MDM2: variants seen among roughly 807,000 people sequenced by gnomAD.
MDM2 encodes the protein MDM2 proto-oncogene, also known as E3 ubiquitin-protein ligase Mdm2.
A neutral mutation model predicts 64.3 loss-of-function variants in MDM2; 11 were observed. The observed-to-expected ratio is 0.17, with a 90% CI of 0.11 to 0.28. MDM2 has a LOEUF of 0.28. MDM2 is among the 10% of genes least tolerant of loss of function. MDM2 has a pLI of 1.00. For missense variants in MDM2, 388 were observed against 577.1 expected, an observed-to-expected ratio of 0.67 and a Z score of 3.36; for synonymous variants, 194 against 192.9, an observed-to-expected ratio of 1.01 and a Z score of -0.05.
At position 68,843,795 on chromosome 12, in the gene MDM2, C is replaced by G. The variant is rs1884021893; in HGVS notation, c.*3946C>G. The G allele has an allele frequency of 4.5e-6, 1 of 220,990 alleles. No individual in the cohort carries two copies. Among genetic ancestry groups the G allele is most frequent in the South Asian group, 1.8e-4 (1 of 5,430 alleles). 13.7% of individuals were successfully genotyped at this position (220,990 alleles called of 1,614,324 possible). A position where few individuals can be genotyped will look rare whatever the true frequency, so the allele number is the denominator to read the frequency against. Reference sequence around the variant, plus strand: ...CAAGCATTATTTGGAGTTGATAATACTTCAGCTACAACCAAGCAGAATCTC... The same window carrying G: ...CAAGCATTATTTGGAGTTGATAATAGTTCAGCTACAACCAAGCAGAATCTC... On this transcript the variant is annotated 3_prime_UTR_variant, in exon 11 of 11. Coordinates refer to ENST00000258149, the MANE Select transcript of MDM2 (RefSeq NM_002392.6).
intron 8 of MDM2, among the ~76,000 whole-genome samples, chr12:68,830,228 G>GTA (rs1415648723): frequency 1.3e-5 from 2 of 152,158 alleles, no homozygotes; most frequent in Non-Finnish European, 2.9e-5. Flanking sequence ...AGTAATCATT[G>GTA]TATAGTACTC....
intron 8 of MDM2, among the ~76,000 whole-genome samples, chr12:68,835,451 A>C (rs1412165724): frequency 1.3e-5 from 2 of 152,242 alleles, no homozygotes; most frequent in Non-Finnish European, 2.9e-5. Flanking sequence ...TGTCTAGTTG[A>C]AGACAGACGA....
intron 10 of MDM2, among the ~76,000 whole-genome samples, chr12:68,839,003 A>G (rs1330305005): frequency 6.6e-6 from 1 of 152,180 alleles, no homozygotes; most frequent in East Asian, 1.9e-4. Flanking sequence ...CAAGCAAATT[A>G]ATGTAATCCA....
At position 68,835,590 on chromosome 12, in the gene MDM2, G is replaced by A. The variant is rs553753538; in HGVS notation, c.685-239G>A. Among the ~76,000 whole-genome samples the A allele has an allele frequency of 1.2e-4, 18 of 152,322 alleles. No individual in the cohort carries two copies. The South Asian group carries it at 2.3e-3, about 19-fold the overall frequency. On this transcript the variant is annotated intron_variant, in intron 8 of 10. Coordinates refer to ENST00000258149, the MANE Select transcript of MDM2 (RefSeq NM_002392.6). Reference sequence around the variant, plus strand: ...ACCTTGAAACCTTAATCTAGTTTCAGTATGCAGGATGGATCTGAGGAGGAA... The same window carrying A: ...ACCTTGAAACCTTAATCTAGTTTCAATATGCAGGATGGATCTGAGGAGGAA...
At chr12:68,847,196 TTATATA>T (rs59862219), downstream of MDM2, 20 of 92,080 alleles carry the variant, frequency 2.2e-4, 1 homozygote, top group Admixed American at 1.5e-3. Context: ...TGTGTGTACA[TTATATA>T]TATATATATA....
chr12:68,850,404 CTGTT>C (rs1335203143), downstream of MDM2: 1 of 152,064 alleles, frequency 6.6e-6, no homozygotes, highest in Non-Finnish European at 1.5e-5. Context: ...AAACTATTTC[CTGTT>C]TATTTTCTAA....
chr12:68,839,974 T>C lies in MDM2; in HGVS notation c.*125T>C, dbSNP rs566796799. On this transcript the variant is annotated 3_prime_UTR_variant, in exon 11 of 11. Coordinates refer to ENST00000258149, the MANE Select transcript of MDM2 (RefSeq NM_002392.6). ...TCAATTCACATAGATTTCTTCTCTTTAGTATAATTGACCTACTTTGGTAGT... is the reference window on the plus strand; with the variant it reads ...TCAATTCACATAGATTTCTTCTCTTCAGTATAATTGACCTACTTTGGTAGT... The C allele has an allele frequency of 1.2e-4, 103 of 874,430 alleles. No individual in the cohort carries two copies. Among genetic ancestry groups the C allele is most frequent in the Admixed American group, 8.9e-5 (3 of 33,614 alleles). 54.2% of individuals were successfully genotyped at this position (874,430 alleles called of 1,614,324 possible). A position where few individuals can be genotyped will look rare whatever the true frequency, so the allele number is the denominator to read the frequency against.
At chr12:68,836,233 T>C (rs1403502998) in intron 9 of MDM2, among the ~76,000 whole-genome samples, 1 of 152,158 alleles carries the variant, frequency 6.6e-6, no homozygotes, top group African/African-American at 2.4e-5. Context: ...ATTATAATGG[T>C]CTGTTCACTT....
At chr12:68,826,235 A>G (rs1443479363) in intron 7 of MDM2, among the ~76,000 whole-genome samples, 1 of 152,140 alleles carries the variant, frequency 6.6e-6, no homozygotes, top group Non-Finnish European at 1.5e-5. Context: ...ATTAGTAAAA[A>G]TAAAATTTTT....
Position 68,828,807 on chromosome 12 carries a change from G to A in MDM2, c.560G>A (p.Arg187Lys), listed in dbSNP as rs776774609. 6.2e-7 allele frequency: 1 copy of A among 1,613,936 alleles called. No homozygotes were observed. The highest frequency in any genetic ancestry group is 8.5e-7 in the Non-Finnish European group (1 of 1,179,956). Reference sequence around the variant, plus strand: ...GATGAATTATCTGGTGAACGACAAAGAAAACGCCACAAATCTGATAGTATT... The same window carrying A: ...GATGAATTATCTGGTGAACGACAAAAAAAACGCCACAAATCTGATAGTATT... ...NSDELSGERQRKRHKSDSISL... is the reference protein window; with the variant it reads ...NSDELSGERQKKRHKSDSISL... Residue 187 changes from arginine (R) to lysine (K), a missense_variant, in exon 8 of 11, where the codon AGA (arginine) becomes AAA (lysine). Around this residue, in one of 5 missense-constraint regions of MDM2, gnomAD observed 168 missense variants for 236.6 expected, o/e 0.71. Transcript: ENST00000258149.
At chr12:68,825,721 G>A (rs1258711202) in intron 7 of MDM2, among the ~76,000 whole-genome samples, 3 of 152,234 alleles carry the variant, frequency 2.0e-5, no homozygotes, top group South Asian at 4.1e-4. Context: ...CGTAGTAGAC[G>A]AGAAGGCTGT....
chr12:68,822,371 C>CTT (rs142480058), intron 5 of MDM2, among the ~76,000 whole-genome samples: 4,396 of 146,008 alleles, frequency 0.03, 247 homozygotes, highest in African/African-American at 0.1. Context: ...TTTTAAAGCT[C>CTT]TTTTTTTTTT....
Position 68,840,044 on chromosome 12 carries a change from A to C in MDM2, c.*195A>C. The C allele has an allele frequency of 1.3e-5, 7 of 531,342 alleles. No individual in the cohort carries two copies. Among genetic ancestry groups the C allele is most frequent in the East Asian group, 3.1e-5 (1 of 32,688 alleles). The allele number at this position is 531,342 out of a possible 1,614,324, so 32.9% of individuals were successfully genotyped here. On this transcript the variant is annotated 3_prime_UTR_variant, in exon 11 of 11. Coordinates refer to ENST00000258149, the MANE Select transcript of MDM2 (RefSeq NM_002392.6). ...ATAATTTGACTTGAATATGTAGCTC[A>C]TCCTTTACACCAACTCCTAATTTTA...
intron 8 of MDM2, among the ~76,000 whole-genome samples, chr12:68,833,323 A>C (rs1415539862): frequency 1.5e-5 from 2 of 133,194 alleles, no homozygotes; most frequent in Non-Finnish European, 3.2e-5. Context: ...ATATAATTAT[A>C]TAAATATAAA....
At position 68,808,913 on chromosome 12, in the gene MDM2, C is replaced by T. The variant is rs953972827; in HGVS notation, c.15-295C>T. ...AGTGGGCAGGTTGACTCAGCTTTTC[C>T]TCTTGAGCTGGTCAAGTTCAGACAC... On this transcript the variant is annotated intron_variant, in intron 1 of 10. Transcript: ENST00000258149. 106 of 1,365,074 alleles carry T rather than the reference C, an allele frequency of 7.8e-5. No homozygotes were observed. The East Asian group carries it at 2.3e-3, about 30-fold the overall frequency. 84.6% of individuals were successfully genotyped at this position (1,365,074 alleles called of 1,614,324 possible). A position where few individuals can be genotyped will look rare whatever the true frequency, so the allele number is the denominator to read the frequency against.
intron 2 of MDM2, among the ~76,000 whole-genome samples, chr12:68,812,916 G>T (rs564618329): frequency 6.6e-6 from 1 of 152,194 alleles, no homozygotes; most frequent in East Asian, 1.9e-4. Context: ...TAGTTGGCAG[G>T]CTCCTTGCAT....
intron 2 of MDM2, among the ~76,000 whole-genome samples, chr12:68,811,601 A>AT (rs34328350): frequency 0.49 from 56,464 of 114,350 alleles, 16,255 homozygotes; most frequent in African/African-American, 0.7. Flanking sequence ...TCCATTACAG[A>AT]TTTTTTTTTT....
chr12:68,836,008 T>G, intron 9 of MDM2, 24 bp downstream of exon 9: 1 of 1,545,928 alleles, frequency 6.5e-7, no homozygotes, highest in Non-Finnish European at 8.8e-7. Flanking sequence ...TCCCCTCTAA[T>G]TATATTGGAA....
chr12:68,847,452 C>CTTTCTT (rs1555190285), downstream of MDM2: 1 of 88,722 alleles, frequency 1.1e-5, no homozygotes, highest in Non-Finnish European at 2.0e-5. Context: ...TATCTCCTTT[C>CTTTCTT]TTTTTTTTTT....
Sources: gnomAD v4.1 joint callset for allele counts (sites outside exome capture counted in the v4.1 genomes callset) on GRCh38, gnomAD v4.1.1 for gene constraint, gnomAD v4.1.1 regional missense constraint, MANE v1.5 for transcripts, NCBI Gene and HGNC (gene_info 2026-07-23, HGNC 2026-07-21) for gene names.